The following MEGF11 variants were observed in gnomAD, a reference collection of about 807,000 sequenced individuals.
The protein encoded by MEGF11 is multiple EGF like domains 11.
A neutral mutation model predicts 146.6 loss-of-function variants in MEGF11; 126 were observed. That is an observed-to-expected ratio of 0.86 (90% CI 0.74 to 1.00). MEGF11 has a LOEUF of 1.00. MEGF11 is among the 50% of genes least tolerant of loss of function. The pLI is 0.00. For synonymous variants in MEGF11, 532 were observed against 583.4 expected, an observed-to-expected ratio of 0.91 and a Z score of 1.27; for missense variants, 1,509 against 1,521.2, an observed-to-expected ratio of 0.99 and a Z score of 0.13.
intron 5 of MEGF11, among the ~76,000 whole-genome samples, chr15:66,075,462 T>C (rs2085536261): frequency 1.3e-5 from 2 of 152,178 alleles, no homozygotes; most frequent in Admixed American, 6.5e-5. Flanking sequence ...TATGAGTTGA[T>C]GTAACTCAGA....
chr15:66,230,032 T>C (rs1015747450), intron 1 of MEGF11, among the ~76,000 whole-genome samples: 7 of 152,146 alleles, frequency 4.6e-5, no homozygotes, highest in African/African-American at 1.7e-4. Flanking sequence ...GGGAGATTCA[T>C]GTCATTCACA....
chr15:66,039,838 G>A (rs959583300), intron 5 of MEGF11, among the ~76,000 whole-genome samples: 18 of 4,500 alleles, frequency 4.0e-3, no homozygotes, highest in Non-Finnish European at 0.013. Context: ...GGCGGCGGTG[G>A]GGTGACGGTC....
intron 5 of MEGF11, among the ~76,000 whole-genome samples, chr15:66,052,682 A>G (rs963815513): frequency 6.6e-6 from 1 of 152,134 alleles, no homozygotes; most frequent in African/African-American, 2.4e-5. Context: ...CAACTCCCGA[A>G]ACTACCATCA....
intron 5 of MEGF11, among the ~76,000 whole-genome samples, chr15:66,065,832 C>A (rs541450935): frequency 6.6e-6 from 1 of 152,116 alleles, no homozygotes; most frequent in Non-Finnish European, 1.5e-5. Context: ...GAGGGCCCGG[C>A]GAAGTGGGGG....
At chr15:66,026,017 C>T (rs2083317358) in intron 5 of MEGF11, among the ~76,000 whole-genome samples, 1 of 152,234 alleles carries the variant, frequency 6.6e-6, no homozygotes, top group African/African-American at 2.4e-5. Context: ...CTTAGCCCCA[C>T]ATTAGAATCA....
chr15:65,991,598 G>C (rs114560367), intron 5 of MEGF11, among the ~76,000 whole-genome samples: 100 of 152,350 alleles, frequency 6.6e-4, no homozygotes, highest in African/African-American at 2.3e-3. Context: ...GCAATCAAAA[G>C]TGCCTCCAGA....
chr15:65,935,181 G>A (rs1262337473), intron 10 of MEGF11, among the ~76,000 whole-genome samples: 6 of 151,924 alleles, frequency 3.9e-5, no homozygotes, highest in African/African-American at 7.3e-5. Context: ...TTAGCTGGGC[G>A]TGGTGGTGCA....
At chr15:66,251,225 T>A (rs1391744849) in intron 1 of MEGF11, among the ~76,000 whole-genome samples, 1 of 152,238 alleles carries the variant, frequency 6.6e-6, no homozygotes, top group Non-Finnish European at 1.5e-5. Context: ...CCAGCTTTCC[T>A]GCCTCCTTCT....
intron 5 of MEGF11, among the ~76,000 whole-genome samples, chr15:66,089,331 G>C (rs1281992698): frequency 6.6e-6 from 1 of 152,238 alleles, no homozygotes; most frequent in Non-Finnish European, 1.5e-5. Context: ...GAGCAGGACA[G>C]TGTGTACCGG....
intron 4 of MEGF11, among the ~76,000 whole-genome samples, chr15:66,112,735 A>C (rs1013444197): frequency 1.2e-4 from 18 of 152,210 alleles, no homozygotes; most frequent in African/African-American, 4.1e-4. Flanking sequence ...TGCAAGACAA[A>C]GTCCAGAACA....
chr15:65,966,669 G>A (rs2081109707), intron 8 of MEGF11, among the ~76,000 whole-genome samples: 1 of 152,122 alleles, frequency 6.6e-6, no homozygotes, highest in African/African-American at 2.4e-5. Flanking sequence ...CAGCCTGTGA[G>A]CCCCTAAGGA....
intron 8 of MEGF11, among the ~76,000 whole-genome samples, chr15:65,965,613 C>CTTTTTTTTTTTT (rs1186551497): frequency 3.2e-4 from 17 of 53,520 alleles, no homozygotes; most frequent in South Asian, 9.6e-4. Flanking sequence ...TTTTTTTTTT[C>CTTTTTTTTTTTT]TTTTTTTTTT....
At chr15:65,986,792 C>CTTTTTTTT (rs1491353062) in intron 5 of MEGF11, among the ~76,000 whole-genome samples, 2 of 134,008 alleles carry the variant, frequency 1.5e-5, no homozygotes, top group African/African-American at 5.4e-5. Flanking sequence ...GCTGATTTTT[C>CTTTTTTTT]CTTTTTTTTT....
At chr15:66,006,131 AAAGAT>A (rs2082513199) in intron 5 of MEGF11, among the ~76,000 whole-genome samples, 1 of 152,248 alleles carries the variant, frequency 6.6e-6, no homozygotes, top group Non-Finnish European at 1.5e-5. Context: ...TAAATGGGAT[AAAGAT>A]AAGATGAGTC....
In MEGF11 at chr15:65,965,600, C is replaced by CTTTCTTTCTTT. The variant is rs1555456992; in HGVS notation, c.900-481_900-480insAAAGAAAGAAA. ...TCTTTCTTTCTTTCTTTCTTTCTTT[C>CTTTCTTTCTTT]TTTTTTTTTTTTCTTTTTTTTTTTT... On this transcript the variant is annotated intron_variant, in intron 8 of 25. Transcript: ENST00000395614. Among the ~76,000 whole-genome samples, 20 of 18,882 alleles carry CTTTCTTTCTTT rather than the reference C, an allele frequency of 1.1e-3. 1 individual carries two copies. The highest frequency in any genetic ancestry group is 4.0e-3 in the East Asian group (1 of 252). 12.4% of individuals were successfully genotyped at this position (18,882 alleles called of 152,430 possible).
chr15:65,974,879 C>T (rs1277584258), intron 7 of MEGF11, among the ~76,000 whole-genome samples: 1 of 151,626 alleles, frequency 6.6e-6, no homozygotes, highest in Non-Finnish European at 1.5e-5. Flanking sequence ...GAGTTTCGCT[C>T]TTGTTGCCCG....
chr15:66,247,965 A>G (rs1031866666), intron 1 of MEGF11, among the ~76,000 whole-genome samples: 1 of 151,254 alleles, frequency 6.6e-6, no homozygotes, highest in Non-Finnish European at 1.5e-5. Context: ...CTGGGCAACA[A>G]AAGTGAAACT....
intron 10 of MEGF11, among the ~76,000 whole-genome samples, chr15:65,946,206 T>C (rs980980985): frequency 1.3e-5 from 2 of 152,222 alleles, no homozygotes; most frequent in African/African-American, 2.4e-5. Flanking sequence ...CAAACACTTT[T>C]GTAGAGCTTG....
At chr15:65,941,546 G>A (rs1321847298) in intron 10 of MEGF11, among the ~76,000 whole-genome samples, 1 of 152,162 alleles carries the variant, frequency 6.6e-6, no homozygotes, top group African/African-American at 2.4e-5. Flanking sequence ...GAGTCATCCA[G>A]GGTGCTCCTA....
Sources: allele counts gnomAD v4.1 joint callset (sites outside exome capture counted in the v4.1 genomes callset), GRCh38; gene constraint gnomAD v4.1.1; transcripts MANE v1.5; gene names NCBI Gene and HGNC (gene_info 2026-07-23, HGNC 2026-07-21).